CCDC179: variants seen among roughly 807,000 people sequenced by gnomAD.
The protein encoded by CCDC179 is coiled-coil domain-containing protein 179.
A neutral mutation model predicts 12.0 loss-of-function variants in CCDC179; 17 were observed. The ratio of observed to expected loss-of-function variants is 1.42; its 90% CI spans 0.97 to 2.13. CCDC179 has a LOEUF of 2.13. CCDC179 is among the 30% of genes most tolerant of loss of function. CCDC179 has a pLI of 0.00. For missense variants in CCDC179, 83 were observed against 78.6 expected (o/e 1.06, Z -0.21); for synonymous variants, 27 against 26.4 (o/e 1.02, Z -0.07).
At chr11:22,853,698 G>C (rs1325728096) in intron 3 of CCDC179, among the ~76,000 whole-genome samples, 2 of 150,710 alleles carry the variant, frequency 1.3e-5, no homozygotes, top group Non-Finnish European at 1.5e-5. Flanking sequence ...AGGATGAAGA[G>C]GAAGAGGAAG....
At chr11:22,854,738 A>G (rs1858495376) in intron 3 of CCDC179, among the ~76,000 whole-genome samples, 1 of 151,802 alleles carries the variant, frequency 6.6e-6, no homozygotes, top group African/African-American at 2.4e-5. Context: ...ATTCGACTAT[A>G]TCAATAATCA....
rs1187531441 is a variant in CCDC179 at position 22,850,966 on chromosome 11, ATATATATATATTTTTTT to A, written c.196-3462_196-3446del. On this transcript the variant is annotated intron_variant, in intron 3 of 3. Transcript: ENST00000532798. Reference sequence around the variant, plus strand: ...TATATATATATATATATATATATATATATATATATATTTTTTTTTTTTTTTTTTTTTTTTGCTGAGAT... The same window carrying A: ...TATATATATATATATATATATATATATTTTTTTTTTTTTTTTTGCTGAGAT... 1.0e-3 allele frequency among the ~76,000 whole-genome samples: 7 copies of A among 6,712 alleles called. 1 individual carries two copies. The highest frequency in any genetic ancestry group is 1.8e-3 in the African/African-American group (7 of 4,000). 4.4% of individuals were successfully genotyped at this position (6,712 alleles called of 152,430 possible). A position where few individuals can be genotyped will look rare whatever the true frequency, so the allele number is the denominator to read the frequency against.
chr11:22,850,940 C>CCATATATATATA (rs1401824398), intron 3 of CCDC179, among the ~76,000 whole-genome samples: 4 of 16,526 alleles, frequency 2.4e-4, no homozygotes, highest in Non-Finnish European at 3.3e-4. Context: ...GTTGCATAGG[C>CCATATATATATA]TATATATATA....
intron 3 of CCDC179, among the ~76,000 whole-genome samples, chr11:22,856,067 G>T (rs1858523470): frequency 6.6e-6 from 1 of 151,296 alleles, no homozygotes; most frequent in Admixed American, 6.6e-5. Context: ...ACTAAACCCA[G>T]ATGGTTTCAC....
At chr11:22,851,318 T>A (rs1291465600) in intron 3 of CCDC179, among the ~76,000 whole-genome samples, 3 of 151,984 alleles carry the variant, frequency 2.0e-5, no homozygotes, top group Admixed American at 6.6e-5. Context: ...CTTTTACTCA[T>A]AATATAAATT....
chr11:22,858,037 A>G lies in CCDC179; in HGVS notation c.91-11T>C. The G allele has an allele frequency of 1.4e-6, 2 of 1,443,160 alleles. No homozygotes were observed. The allele number at this position is 1,443,160 out of a possible 1,614,324, so 89.4% of individuals were successfully genotyped here. ...ACGTTTATTTGCAAGCTTTAGAAAAATTAAAATGAAAGAAAAATCATACTT... is the reference window on the plus strand; with the variant it reads ...ACGTTTATTTGCAAGCTTTAGAAAAGTTAAAATGAAAGAAAAATCATACTT... On this transcript the variant is annotated splice_polypyrimidine_tract_variant and intron_variant, in intron 2 of 3. Transcript: ENST00000532798.
At chr11:22,847,642 G>A (rs147730923) in intron 3 of CCDC179, 121 bp from the exon 4 acceptor site, 3 of 448,250 alleles carry the variant, frequency 6.7e-6, no homozygotes, top group Admixed American at 8.6e-5. Context: ...CATACAAGAA[G>A]TATTATAAAA....
Position 22,847,408 on chromosome 11 carries a change from C to T in CCDC179, c.*102G>A. On this transcript the variant is annotated 3_prime_UTR_variant, in exon 4 of 4. Coordinates refer to ENST00000532798, the MANE Select transcript of CCDC179 (RefSeq NM_001195637.2). Reference sequence around the variant, plus strand: ...ATTTTTCCGAAATGGTGGAGTATTGCATTTATTTTGTGGATGATCAATTCA... The same window carrying T: ...ATTTTTCCGAAATGGTGGAGTATTGTATTTATTTTGTGGATGATCAATTCA... 1.5e-6 allele frequency: 1 copy of T among 653,640 alleles called. No individual in the cohort carries two copies. The highest frequency in any genetic ancestry group is 2.9e-4 in the Middle Eastern group (1 of 3,414). 40.5% of individuals were successfully genotyped at this position (653,640 alleles called of 1,614,324 possible). A position where few individuals can be genotyped will look rare whatever the true frequency, so the allele number is the denominator to read the frequency against.
In CCDC179 at chr11:22,860,366, A is replaced by C. The variant is rs1858633468; in HGVS notation, c.45+11T>G. The C allele has an allele frequency of 4.6e-6, 7 of 1,535,532 alleles. No homozygotes were observed. The South Asian group carries it at 7.1e-5, about 16-fold the overall frequency. On this transcript the variant is annotated intron_variant, in intron 1 of 3. Coordinates refer to ENST00000532798, the MANE Select transcript of CCDC179 (RefSeq NM_001195637.2). ...TGGCAGAGTTGAGGTTGTAGGCCCCAGCAGACTCACAGGGTTGACTTGGGA... is the reference window on the plus strand; with the variant it reads ...TGGCAGAGTTGAGGTTGTAGGCCCCCGCAGACTCACAGGGTTGACTTGGGA...
At chr11:22,857,300 T>C (rs1238554743) in intron 3 of CCDC179, among the ~76,000 whole-genome samples, 1 of 151,632 alleles carries the variant, frequency 6.6e-6, no homozygotes, top group Non-Finnish European at 1.5e-5. Context: ...GACAGTATGG[T>C]ATTGATGAAA....
At chr11:22,856,665 G>A (rs1012426277) in intron 3 of CCDC179, among the ~76,000 whole-genome samples, 5 of 151,312 alleles carry the variant, frequency 3.3e-5, no homozygotes, top group African/African-American at 7.3e-5. Flanking sequence ...AATGCAGTAA[G>A]ACAAAAAAAG....
chr11:22,848,423 G>A (rs1224220610), intron 3 of CCDC179, among the ~76,000 whole-genome samples: 1 of 151,778 alleles, frequency 6.6e-6, no homozygotes, highest in African/African-American at 2.4e-5. Context: ...CAGCCTGGCC[G>A]ACAGAGGGAG....
At chr11:22,859,898 TG>T (rs1858622277) in intron 1 of CCDC179, among the ~76,000 whole-genome samples, 1 of 152,256 alleles carries the variant, frequency 6.6e-6, no homozygotes, top group South Asian at 2.1e-4. Context: ...TAATTGGTGA[TG>T]TGATTGAGAT....
chr11:22,851,688 A>C (rs1858407609), intron 3 of CCDC179, among the ~76,000 whole-genome samples: 1 of 152,250 alleles, frequency 6.6e-6, no homozygotes, highest in African/African-American at 2.4e-5. Flanking sequence ...CCAGAGAGAC[A>C]GACAAGTGGA....
chr11:22,859,315 G>T, intron 2 of CCDC179, 137 bp downstream of exon 2: 2 of 441,544 alleles, frequency 4.5e-6, no homozygotes, highest in South Asian at 1.0e-4. Context: ...GTAGTCATTA[G>T]ATCCCAGAGT....
intron 3 of CCDC179, among the ~76,000 whole-genome samples, chr11:22,853,445 A>G (rs181455378): frequency 3.3e-5 from 5 of 152,264 alleles, no homozygotes; most frequent in East Asian, 1.9e-4. Flanking sequence ...AACTAACACT[A>G]AAAGTCTAAA....
chr11:22,847,549 T>G (rs540794290), intron 3 of CCDC179, 28 bp from the exon 4 acceptor site: 1 of 1,227,560 alleles, frequency 8.1e-7, no homozygotes, highest in South Asian at 1.8e-5. Flanking sequence ...ACACAAAGAA[T>G]AAGAAATTTA....
chr11:22,853,538 A>G (rs1858461580), intron 3 of CCDC179, among the ~76,000 whole-genome samples: 1 of 152,104 alleles, frequency 6.6e-6, no homozygotes, highest in African/African-American at 2.4e-5. Flanking sequence ...TAGCTTAAAG[A>G]TATGTAAATA....
intron 3 of CCDC179, among the ~76,000 whole-genome samples, chr11:22,850,772 T>A (rs1240088812): frequency 6.6e-6 from 1 of 151,170 alleles, no homozygotes; most frequent in African/African-American, 2.4e-5. Context: ...GTAACCAAAA[T>A]AACTGTGTGT....
Sources: gnomAD v4.1 joint callset for allele counts (sites outside exome capture counted in the v4.1 genomes callset) on GRCh38, gnomAD v4.1.1 for gene constraint, MANE v1.5 for transcripts, NCBI Gene and HGNC (gene_info 2026-07-23, HGNC 2026-07-21) for gene names.